The following MYO5C variants were observed in gnomAD, a reference collection of about 807,000 sequenced individuals.
MYO5C encodes the protein unconventional myosin-Vc.
A neutral mutation model predicts 235.7 loss-of-function variants in MYO5C; 194 were observed. The observed-to-expected ratio is 0.82, with a 90% CI of 0.73 to 0.93. The LOEUF is 0.93. Among genes scored for constraint, MYO5C ranks in the 40% least tolerant of loss-of-function variants. The pLI is 0.00. For synonymous variants in MYO5C, 707 were observed against 754.8 expected, an observed-to-expected ratio of 0.94 and a Z score of 1.04; for missense variants, 2,038 against 2,127.2, an observed-to-expected ratio of 0.96 and a Z score of 0.82.
Position 52,214,661 on chromosome 15 carries a change from GTCTT to G in MYO5C, c.3980_3983del (p.Lys1327ThrfsTer3). Reference sequence around the variant, plus strand: ...GATCTTGTAGCTTTTTAATCACTCTGTCTTTCATGTCTAATTCTTCTTCAAGATC... The same window carrying G: ...GATCTTGTAGCTTTTTAATCACTCTGTCATGTCTAATTCTTCTTCAAGATC... On this transcript the variant is annotated frameshift_variant, in exon 33 of 41. Transcript: ENST00000261839. LOFTEE classifies it high-confidence loss of function. 6.2e-7 allele frequency: 1 copy of G among 1,606,434 alleles called. No individual in the cohort carries two copies. The highest frequency in any genetic ancestry group is 8.5e-7 in the Non-Finnish European group (1 of 1,176,402).
rs117521368 is a variant in MYO5C at position 52,255,405 on chromosome 15, G to T, written c.1395+1234C>A. Among the ~76,000 whole-genome samples the T allele has an allele frequency of 1.1e-4, 17 of 152,314 alleles. No individual in the cohort carries two copies. The East Asian group carries it at 2.3e-3, about 21-fold the overall frequency. Reference sequence around the variant, plus strand: ...TAAAGTGTGATTTCTATTATGAACTGGAATCACCATTCTTCCCATAAACAT... The same window carrying T: ...TAAAGTGTGATTTCTATTATGAACTTGAATCACCATTCTTCCCATAAACAT... On this transcript the variant is annotated intron_variant, in intron 11 of 40. Coordinates refer to ENST00000261839, the MANE Select transcript of MYO5C (RefSeq NM_018728.4).
At chr15:52,295,410 C>A (rs558657250) in intron 1 of MYO5C, among the ~76,000 whole-genome samples, 200 bp downstream of exon 1, 1 of 152,304 alleles carries the variant, frequency 6.6e-6, no homozygotes, top group South Asian at 2.1e-4. Context: ...CACGCCGGGG[C>A]CCTGGAGGGG....
At chr15:52,286,299 C>T (rs1175914609) in intron 1 of MYO5C, among the ~76,000 whole-genome samples, 19 of 151,302 alleles carry the variant, frequency 1.3e-4, no homozygotes, top group Non-Finnish European at 2.7e-4. Flanking sequence ...GCCAGCCGCC[C>T]CGTCCGGGAG....
Position 52,247,552 on chromosome 15 carries a change from G to A in MYO5C, c.1787C>T (p.Pro596Leu), listed in dbSNP as rs755487196. The A allele has an allele frequency of 2.5e-6, 4 of 1,614,182 alleles. No homozygotes were observed. In the South Asian group the frequency reaches 3.3e-5, roughly 13 times the overall value. The change falls in exon 15 of 41, where the codon CCT (proline) becomes CTT (leucine). Residue 596 changes from proline to leucine, a missense_variant. By Grantham distance (98) the Pro-to-Leu change is moderately conservative. Coordinates refer to ENST00000261839, the MANE Select transcript of MYO5C (RefSeq NM_018728.4). ...AATCATTGAACCAAAAGGAGAAGGA[G>A]GAGTTGGATTTTCTTGAAAAAAGTT... The part of the protein sequence containing the change: ...CANFFQENPT[P>L]PSPFGSMITV...
chr15:52,211,063 A>C (rs1052484602), intron 35 of MYO5C, among the ~76,000 whole-genome samples: 1 of 152,160 alleles, frequency 6.6e-6, no homozygotes, highest in African/African-American at 2.4e-5. Context: ...TTGTCCAGTC[A>C]TTCCAATAAG....
chr15:52,295,670 C>CG lies in MYO5C; in HGVS notation c.-35dup. On this transcript the variant is annotated 5_prime_UTR_variant, in exon 1 of 41. Coordinates refer to ENST00000261839, the MANE Select transcript of MYO5C (RefSeq NM_018728.4). ...GGGGCCGGGGCCAGGCCGGGGCTGC[C>CG]GAACGTGCGAGGCTCGGGGGCTGGG... is the stretch of plus-strand genomic sequence containing the variant. 1 of 1,393,070 alleles carries CG rather than the reference C, an allele frequency of 7.2e-7. No homozygotes were observed. The highest frequency in any genetic ancestry group is 1.6e-5 in the South Asian group (1 of 63,360). 86.3% of individuals were successfully genotyped at this position (1,393,070 alleles called of 1,614,324 possible).
intron 5 of MYO5C, among the ~76,000 whole-genome samples, chr15:52,274,180 A>C (rs1439994156): frequency 6.6e-6 from 1 of 152,162 alleles, no homozygotes; most frequent in Non-Finnish European, 1.5e-5. Context: ...AACCAAATAG[A>C]TACAGTCCCG....
At chr15:52,284,014 G>C (rs1224861320) in intron 1 of MYO5C, among the ~76,000 whole-genome samples, 1 of 152,062 alleles carries the variant, frequency 6.6e-6, no homozygotes, top group African/African-American at 2.4e-5. Flanking sequence ...ACACCTGAGA[G>C]TTTGATGTAT....
intron 38 of MYO5C, among the ~76,000 whole-genome samples, chr15:52,200,732 A>T (rs2035168718): frequency 6.6e-6 from 1 of 152,158 alleles, no homozygotes; most frequent in African/African-American, 2.4e-5. Flanking sequence ...CAGATATTCA[A>T]ATTATCTGAC....
At chr15:52,228,287 G>A (rs569542529) in intron 25 of MYO5C, among the ~76,000 whole-genome samples, 25 of 152,216 alleles carry the variant, frequency 1.6e-4, no homozygotes, top group African/African-American at 5.1e-4. Flanking sequence ...GGGATTACAG[G>A]CACCTGCCAC....
chr15:52,264,333 T>G (rs2036757584), intron 8 of MYO5C, 37 bp from the exon 9 acceptor site: 2 of 1,495,700 alleles, frequency 1.3e-6, no homozygotes, highest in African/African-American at 2.8e-5. Flanking sequence ...GAATACTGCA[T>G]CTCTTCTCTG....
intron 11 of MYO5C, among the ~76,000 whole-genome samples, chr15:52,255,451 A>G (rs1213324482): frequency 1.3e-5 from 2 of 152,248 alleles, no homozygotes; most frequent in Non-Finnish European, 2.9e-5. Flanking sequence ...TTTAGAATGT[A>G]AGCTAAAGGG....
At chr15:52,290,453 CT>C (rs2037363528) in intron 1 of MYO5C, among the ~76,000 whole-genome samples, 2 of 152,098 alleles carry the variant, frequency 1.3e-5, no homozygotes, top group African/African-American at 4.8e-5. Context: ...CCCTGGACTG[CT>C]AGTCAAGACA....
chr15:52,289,407 A>G (rs1190088078), intron 1 of MYO5C, among the ~76,000 whole-genome samples: 1 of 149,246 alleles, frequency 6.7e-6, no homozygotes, highest in Non-Finnish European at 1.5e-5. Flanking sequence ...TAAATTCCAA[A>G]CTCCAGTGAT....
chr15:52,230,061 T>C (rs1490898665), intron 24 of MYO5C, among the ~76,000 whole-genome samples: 1 of 152,252 alleles, frequency 6.6e-6, no homozygotes. Context: ...AATAGAGCTA[T>C]CTGCTATGTC....
intron 23 of MYO5C, among the ~76,000 whole-genome samples, chr15:52,235,389 C>T (rs945412359): frequency 2.0e-5 from 3 of 152,170 alleles, no homozygotes; most frequent in East Asian, 1.9e-4. Flanking sequence ...GCAAAAGCTC[C>T]GGGCTCATGG....
At chr15:52,237,342 G>C in intron 22 of MYO5C, 140 bp downstream of exon 22, 4 of 1,000,458 alleles carry the variant, frequency 4.0e-6, no homozygotes. Flanking sequence ...CTAAAAGGTA[G>C]GCTCCCTTTG....
chr15:52,258,265 C>T (rs972816414), intron 10 of MYO5C, among the ~76,000 whole-genome samples: 17 of 152,204 alleles, frequency 1.1e-4, no homozygotes, highest in Non-Finnish European at 2.4e-4. Context: ...TTTCAAGGTA[C>T]CTGCATAATT....
chr15:52,265,666 G>A (rs901508450), intron 8 of MYO5C, among the ~76,000 whole-genome samples: 2 of 151,988 alleles, frequency 1.3e-5, no homozygotes, highest in African/African-American at 4.8e-5. Flanking sequence ...CGCCTCCTGA[G>A]TAGCTGGGAC....
Sources: gnomAD v4.1 joint callset for allele counts (sites outside exome capture counted in the v4.1 genomes callset) on GRCh38, gnomAD v4.1.1 for gene constraint, MANE v1.5 for transcripts, NCBI Gene and HGNC (gene_info 2026-07-23, HGNC 2026-07-21) for gene names.